C8orf34: variants seen among roughly 807,000 people sequenced by gnomAD.
C8orf34 encodes chromosome 8 open reading frame 34.
A neutral mutation model predicts 68.3 loss-of-function variants in C8orf34; 65 were observed. That is an observed-to-expected ratio of 0.95 (90% CI 0.78 to 1.17). C8orf34 has a LOEUF of 1.17. C8orf34 is among the 50% of genes most tolerant of loss of function. The pLI, the probability that C8orf34 is intolerant of heterozygous loss-of-function variation, is 0.00. For missense variants in C8orf34, 664 were observed against 655.4 expected (o/e 1.01, Z -0.14); for synonymous variants, 244 against 241.2 (o/e 1.01, Z -0.11).
chr8:68,637,707 T>A (rs571405880), intron 7 of C8orf34, among the ~76,000 whole-genome samples: 1 of 152,266 alleles, frequency 6.6e-6, no homozygotes, highest in Non-Finnish European at 1.5e-5. Flanking sequence ...AGATTCTAAT[T>A]AGTAGATTAT....
At chr8:68,593,906 T>G (rs886939283) in intron 7 of C8orf34, among the ~76,000 whole-genome samples, 2 of 152,158 alleles carry the variant, frequency 1.3e-5, no homozygotes, top group Admixed American at 1.3e-4. Flanking sequence ...GATTTAGTTG[T>G]GTCCCACAAA....
At chr8:68,694,444 T>C (rs1820770314) in intron 8 of C8orf34, among the ~76,000 whole-genome samples, 2 of 152,230 alleles carry the variant, frequency 1.3e-5, no homozygotes, top group Admixed American at 1.3e-4. Context: ...TGTGTTTTTC[T>C]ATAAATATCC....
At chr8:68,727,294 C>T (rs1448742804) in intron 10 of C8orf34, among the ~76,000 whole-genome samples, 1 of 152,220 alleles carries the variant, frequency 6.6e-6, no homozygotes, top group Non-Finnish European at 1.5e-5. Flanking sequence ...GTCTCACATC[C>T]AAGTCACACT....
intron 1 of C8orf34, among the ~76,000 whole-genome samples, chr8:68,387,279 G>T (rs1052730038): frequency 2.6e-5 from 4 of 152,016 alleles, no homozygotes; most frequent in African/African-American, 9.7e-5. Flanking sequence ...TTGCCACTTT[G>T]GGAAGATACA....
chr8:68,462,912 G>T (rs1811913502), intron 3 of C8orf34, among the ~76,000 whole-genome samples: 1 of 152,060 alleles, frequency 6.6e-6, no homozygotes, highest in African/African-American at 2.4e-5. Flanking sequence ...ACATTCAAAA[G>T]CTAACAGAAG....
chr8:68,660,753 C>T (rs958451631), intron 8 of C8orf34, among the ~76,000 whole-genome samples: 2 of 152,144 alleles, frequency 1.3e-5, no homozygotes, highest in African/African-American at 4.8e-5. Context: ...AAGTGGCCCT[C>T]CTCAAACAAC....
intron 1 of C8orf34, among the ~76,000 whole-genome samples, chr8:68,407,497 C>T (rs912385585): frequency 6.6e-6 from 1 of 151,906 alleles, no homozygotes; most frequent in Non-Finnish European, 1.5e-5. Flanking sequence ...GCATTTTTCC[C>T]CTCTGAAATA....
chr8:68,754,246 CCTT>C (rs1447669071), intron 10 of C8orf34, among the ~76,000 whole-genome samples: 3 of 152,108 alleles, frequency 2.0e-5, no homozygotes, highest in African/African-American at 7.2e-5. Context: ...ATACTGTTGA[CCTT>C]AGAAAAAGTA....
chr8:68,360,055 G>A (rs1038596492), intron 1 of C8orf34, among the ~76,000 whole-genome samples: 2 of 152,140 alleles, frequency 1.3e-5, no homozygotes, highest in African/African-American at 4.8e-5. Context: ...AACACAAGAT[G>A]TTCCACTTCC....
At position 68,460,507 on chromosome 8, in the gene C8orf34, C is replaced by A. The variant is rs548946507; in HGVS notation, c.608-8185C>A. ...TGCCTCCTCAAGTGGGTCCCTGACCCCTGACCCCTGAGCAGCCTAACTGGG... is the reference window on the plus strand; with the variant it reads ...TGCCTCCTCAAGTGGGTCCCTGACCACTGACCCCTGAGCAGCCTAACTGGG... On this transcript the variant is annotated intron_variant, in intron 3 of 13. Transcript: ENST00000518698. Among the ~76,000 whole-genome samples, 9 of 152,292 alleles carry A rather than the reference C, an allele frequency of 5.9e-5. No homozygotes were observed. The South Asian group carries it at 1.7e-3, about 28-fold the overall frequency.
chr8:68,442,863 G>A lies in C8orf34; in HGVS notation c.475+3217G>A, dbSNP rs576006621. 2.8e-4 allele frequency among the ~76,000 whole-genome samples: 43 copies of A among 152,322 alleles called. 1 individual carries two copies. The highest frequency in any genetic ancestry group is 2.7e-3 in the Admixed American group (41 of 15,300). On this transcript the variant is annotated intron_variant, in intron 2 of 13. Coordinates refer to ENST00000518698, the MANE Select transcript of C8orf34 (RefSeq NM_052958.4). ...TTCTTTCAAGTTGTTGAAAGGACAA[G>A]AGACAGGAAAAGACTATGCCACTGT...
At chr8:68,497,364 C>G (rs929903821) in intron 5 of C8orf34, among the ~76,000 whole-genome samples, 1 of 152,226 alleles carries the variant, frequency 6.6e-6, no homozygotes, top group Admixed American at 6.5e-5. Context: ...GTCAGATACT[C>G]TGTTGGTGAG....
chr8:68,692,729 G>C (rs1820720711), intron 8 of C8orf34, among the ~76,000 whole-genome samples: 1 of 152,018 alleles, frequency 6.6e-6, no homozygotes, highest in African/African-American at 2.4e-5. Context: ...TAGAAGGAAG[G>C]CAGGATACCT....
intron 8 of C8orf34, among the ~76,000 whole-genome samples, chr8:68,667,959 A>T (rs902911882): frequency 6.6e-6 from 1 of 152,184 alleles, no homozygotes; most frequent in Non-Finnish European, 1.5e-5. Context: ...AAATCAGAGG[A>T]GAAAATAAAA....
At chr8:68,406,438 AC>A (rs1402963414) in intron 1 of C8orf34, among the ~76,000 whole-genome samples, 1 of 151,922 alleles carries the variant, frequency 6.6e-6, no homozygotes, top group Non-Finnish European at 1.5e-5. Flanking sequence ...TGATCAGCTC[AC>A]CCTGGACCGG....
chr8:68,446,261 G>A lies in C8orf34; in HGVS notation c.476-68G>A, dbSNP rs113074121. 4.8e-4 allele frequency: 641 copies of A among 1,343,452 alleles called. 2 individuals are homozygous for A. The African/African-American group carries it at 7.5e-3, about 16-fold the overall frequency. The allele number at this position is 1,343,452 out of a possible 1,614,324, so 83.2% of individuals were successfully genotyped here. On this transcript the variant is annotated intron_variant, in intron 2 of 13. Transcript: ENST00000518698. Reference sequence around the variant, plus strand: ...TTTGTCAAGTATATTTAATGACTTCGTGGACTTGGTTTTTGCTCAATCTTG... The same window carrying A: ...TTTGTCAAGTATATTTAATGACTTCATGGACTTGGTTTTTGCTCAATCTTG...
In C8orf34 at chr8:68,708,703, T is replaced by C. The variant is rs540282240; in HGVS notation, c.1242-291T>C. On this transcript the variant is annotated intron_variant, in intron 8 of 13. Coordinates refer to ENST00000518698, the MANE Select transcript of C8orf34 (RefSeq NM_052958.4). ...ACTCAATTCCCCTTTGGTGTTTAAG[T>C]GAAAATACGTGCTTCTAAACCTTTC... Among the ~76,000 whole-genome samples, 37 of 152,284 alleles carry C rather than the reference T, an allele frequency of 2.4e-4. No individual in the cohort carries two copies. In the East Asian group the frequency reaches 7.2e-3, roughly 29 times the overall value.
At chr8:68,449,710 C>T (rs1302889426) in intron 3 of C8orf34, among the ~76,000 whole-genome samples, 1 of 151,996 alleles carries the variant, frequency 6.6e-6, no homozygotes, top group Non-Finnish European at 1.5e-5. Context: ...GCCAAAGATT[C>T]GAACAATCAT....
intron 8 of C8orf34, among the ~76,000 whole-genome samples, chr8:68,668,337 G>A (rs540077913): frequency 2.0e-5 from 3 of 152,134 alleles, no homozygotes; most frequent in Non-Finnish European, 4.4e-5. Context: ...AATAAATAGA[G>A]TTATGCATAT....
Sources: gnomAD v4.1 joint callset for allele counts (sites outside exome capture counted in the v4.1 genomes callset) on GRCh38, gnomAD v4.1.1 for gene constraint, MANE v1.5 for transcripts, NCBI Gene and HGNC (gene_info 2026-07-23, HGNC 2026-07-21) for gene names.